The following STK11IP variants were observed in gnomAD, a reference collection of about 807,000 sequenced individuals.
STK11IP encodes the protein serine/threonine kinase 11 interacting protein.
In STK11IP, 103 loss-of-function variants were observed where a neutral mutation model predicts 131.7. The ratio of observed to expected loss-of-function variants is 0.78; its 90% CI spans 0.67 to 0.92. STK11IP has a LOEUF of 0.92. Among genes scored for constraint, STK11IP ranks in the 40% least tolerant of loss-of-function variants. STK11IP has a pLI of 0.00. For missense variants in STK11IP, 1,315 were observed against 1,385.7 expected, an observed-to-expected ratio of 0.95 and a Z score of 0.81; for synonymous variants, 557 against 575.6, an observed-to-expected ratio of 0.97 and a Z score of 0.46.
At position 219,613,803 on chromosome 2, in the gene STK11IP, T is replaced by C; in HGVS notation, c.2589T>C (p.Asp863=). ...TGACCCTGGCTGTTCCCCTGCAGGATCTGAGTGGCATAGAGCTGGGCCTGG... is the reference window on the plus strand; with the variant it reads ...TGACCCTGGCTGTTCCCCTGCAGGACCTGAGTGGCATAGAGCTGGGCCTGG... The part of the protein sequence containing the change: ...LQLTLAVPLQ[D]LSGIELGLAG... The change falls in exon 21 of 25, where the codon GAT becomes GAC. Residue 863 remains aspartate (D), a synonymous_variant. Coordinates refer to ENST00000456909, the MANE Select transcript of STK11IP (RefSeq NM_052902.4). 4 of 1,612,272 alleles carry C rather than the reference T, an allele frequency of 2.5e-6. No homozygotes were observed. The highest frequency in any genetic ancestry group is 3.4e-6 in the Non-Finnish European group (4 of 1,179,640).
intron 8 of STK11IP, 52 bp downstream of exon 8, chr2:219,605,786 G>T (rs773005820): frequency 1.7e-5 from 26 of 1,571,940 alleles, no homozygotes; most frequent in Non-Finnish European, 2.2e-5. Context: ...GGGAGAGTGA[G>T]GCTGGGGCTG....
In STK11IP at chr2:219,605,702, T is replaced by TA; in HGVS notation, c.714dup (p.Leu239ThrfsTer5). ...TCAGGGGCTGCTCTGGGGGTCCTGA[T>TA]ACTGCGAGGCAATGAGCTTCGGAGC... is the stretch of plus-strand genomic sequence containing the variant. On this transcript the variant is annotated frameshift_variant, in exon 8 of 25. Transcript: ENST00000456909. LOFTEE classifies it high-confidence loss of function. 6.3e-7 allele frequency: 1 copy of TA among 1,587,242 alleles called. No individual in the cohort carries two copies. The highest frequency in any genetic ancestry group is 8.6e-7 in the Non-Finnish European group (1 of 1,166,938).
At position 219,605,927 on chromosome 2, in the gene STK11IP, C is replaced by G. The variant is rs752001798; in HGVS notation, c.746-29C>G. Reference sequence around the variant, plus strand: ...TCACTTGCGTGTACTCATCCACATGCTCTTCCTTCCTTCTTGCGTCCACCC... The same window carrying G: ...TCACTTGCGTGTACTCATCCACATGGTCTTCCTTCCTTCTTGCGTCCACCC... On this transcript the variant is annotated intron_variant, in intron 8 of 24. Coordinates refer to ENST00000456909, the MANE Select transcript of STK11IP (RefSeq NM_052902.4). The G allele has an allele frequency of 3.2e-6, 5 of 1,563,578 alleles. No homozygotes were observed. The South Asian group carries it at 5.8e-5, about 18-fold the overall frequency.
chr2:219,606,446 T>C, intron 10 of STK11IP, 30 bp from the exon 11 acceptor site: 1 of 1,605,924 alleles, frequency 6.2e-7, no homozygotes. Context: ...GCCTACCACA[T>C]ACTCCCTCCC....
At chr2:219,600,422 A>G (rs1267239415) in intron 2 of STK11IP, among the ~76,000 whole-genome samples, 1 of 152,152 alleles carries the variant, frequency 6.6e-6, no homozygotes, top group East Asian at 1.9e-4. Flanking sequence ...TTGATATTGT[A>G]CTATAGCTAT....
intron 17 of STK11IP, 129 bp from the exon 18 acceptor site, chr2:219,611,475 T>G: frequency 4.0e-6 from 3 of 757,186 alleles, no homozygotes; most frequent in Non-Finnish European, 6.8e-6. Context: ...TGGGGCGCGG[T>G]GGTTGTGTAT....
rs1427377138 is a variant in STK11IP at position 219,611,741 on chromosome 2, C to T, written c.2242C>T (p.Pro748Ser). 2 of 1,613,080 alleles carry T rather than the reference C, an allele frequency of 1.2e-6. No individual in the cohort carries two copies. The highest frequency in any genetic ancestry group is 8.5e-7 in the Non-Finnish European group (1 of 1,179,882). Residue 748 changes from proline (P) to serine (S), a missense_variant, in exon 18 of 25, where the codon CCT becomes TCT. Coordinates refer to ENST00000456909, the MANE Select transcript of STK11IP (RefSeq NM_052902.4). ...TCCGTCTGCCAGCCCTGTCTGCCAC[C>T]CTCCTGGCCATGGTGACCACCTTGA... ...PSPSASPVCH[P>S]PGHGDHLDRA...
intron 1 of STK11IP, 85 bp from the exon 2 acceptor site, chr2:219,598,009 A>G: frequency 6.3e-7 from 1 of 1,583,492 alleles, no homozygotes; most frequent in Admixed American, 1.8e-5. Flanking sequence ...TTTTCTCCGC[A>G]TGACGCCTCG....
intron 5 of STK11IP, among the ~76,000 whole-genome samples, 174 bp downstream of exon 5, chr2:219,602,257 C>T (rs997845035): frequency 6.6e-6 from 1 of 152,194 alleles, no homozygotes; most frequent in African/African-American, 2.4e-5. Flanking sequence ...TATTTATAGT[C>T]GTACCTACCA....
chr2:219,604,370 G>A (rs1171222834), intron 7 of STK11IP, among the ~76,000 whole-genome samples: 1 of 152,198 alleles, frequency 6.6e-6, no homozygotes, highest in Non-Finnish European at 1.5e-5. Flanking sequence ...AGCCTGAGTA[G>A]GGTTTGATCA....
intron 6 of STK11IP, 47 bp downstream of exon 6, chr2:219,602,622 G>A (rs1211737819): frequency 2.3e-5 from 37 of 1,611,768 alleles, no homozygotes; most frequent in Non-Finnish European, 3.1e-5. Context: ...GCAAGGCCAG[G>A]CCTTTGGGGA....
Position 219,608,727 on chromosome 2 carries a change from A to C in STK11IP, c.1748A>C (p.Gln583Pro). 6.2e-7 allele frequency: 1 copy of C among 1,612,926 alleles called. No individual in the cohort carries two copies. Among genetic ancestry groups the C allele is most frequent in the Non-Finnish European group, 8.5e-7 (1 of 1,179,638 alleles). ...CGCACCTTGGAGCGACTGGAGCTCC[A>C]GAGTCTGGAGGCAGCTGAGATAGAG... ...AARTLERLEL[Q>P]SLEAAEIEPE... The change falls in exon 15 of 25, where the codon CAG (glutamine) becomes CCG (proline). Residue 583 changes from glutamine (Q) to proline (P), a missense_variant. Coordinates refer to ENST00000456909, the MANE Select transcript of STK11IP (RefSeq NM_052902.4).
rs751674409 is a variant in STK11IP at position 219,608,447 on chromosome 2, C to T, written c.1603+17C>T. 3 of 1,537,946 alleles carry T rather than the reference C, an allele frequency of 2.0e-6. No homozygotes were observed. The East Asian group carries it at 7.0e-5, about 36-fold the overall frequency. ...AAGTGGAAGGTGAGCCCTTTGTGGG[C>T]TGGGGCGAGCTGAGGCCAGGGGCCC... On this transcript the variant is annotated intron_variant, in intron 14 of 24. Coordinates refer to ENST00000456909, the MANE Select transcript of STK11IP (RefSeq NM_052902.4).
chr2:219,615,965 G>A (rs1698557043), intron 24 of STK11IP, 79 bp from the exon 25 acceptor site: 7 of 1,556,622 alleles, frequency 4.5e-6, no homozygotes, highest in Non-Finnish European at 6.1e-6. Context: ...AGACAGTGAG[G>A]CCTTCGCAGA....
rs1212723046 is a variant in STK11IP at position 219,601,673 on chromosome 2, G to T, written c.300G>T (p.Gly100=). The change falls in exon 4 of 25, where the codon GGG becomes GGT. Residue 100 remains glycine (G), a synonymous_variant. Coordinates refer to ENST00000456909, the MANE Select transcript of STK11IP (RefSeq NM_052902.4). Reference sequence around the variant, plus strand: ...ATGTTGCTGGTCCTGGCCCCACAGGGCCCATCAAGATTTTCCCCTTCAAAT... The same window carrying T: ...ATGTTGCTGGTCCTGGCCCCACAGGTCCCATCAAGATTTTCCCCTTCAAAT... ...LVHVAGPGPT[G]PIKIFPFKSL... 1.2e-6 allele frequency: 2 copies of T among 1,604,176 alleles called. No homozygotes were observed. Among genetic ancestry groups the T allele is most frequent in the South Asian group, 2.2e-5 (2 of 89,262 alleles).
Position 219,608,779 on chromosome 2 carries a change from C to G in STK11IP, c.1800C>G (p.Pro600=). 2 of 1,603,668 alleles carry G rather than the reference C, an allele frequency of 1.2e-6. No homozygotes were observed. Among genetic ancestry groups the G allele is most frequent in the Non-Finnish European group, 1.7e-6 (2 of 1,175,958 alleles). ...CGGAGGCCCAGGCCCAGAGGTCGCC[C>G]AGGCCCACGGTGAGTGGGGCGTGGC... The part of the protein sequence containing the change: ...IEPEAQAQRS[P]RPTGSDLLPG... The change falls in exon 15 of 25, where the codon CCC becomes CCG. Residue 600 remains proline, a synonymous_variant. Coordinates refer to ENST00000456909, the MANE Select transcript of STK11IP (RefSeq NM_052902.4).
In STK11IP at chr2:219,608,109, C is replaced by T. The variant is rs78461888; in HGVS notation, c.1282C>T (p.Arg428Cys). The stretch of plus-strand genomic sequence containing the variant: ...GAGCAGCTTCCGGGAACGGTTCGGC[C>T]GCAACTGGCTGCAGTACAGGAGTCA... ...LMSSFRERFG[R>C]NWLQYRSHLE... The change falls in exon 14 of 25, where the codon CGC (arginine) becomes TGC (cysteine). Residue 428 changes from arginine (R) to cysteine (C), a missense_variant. Arg to Cys is a radical substitution (Grantham distance 180). Coordinates refer to ENST00000456909, the MANE Select transcript of STK11IP (RefSeq NM_052902.4). The T allele has an allele frequency of 3.7e-4, 593 of 1,613,238 alleles. 5 individuals carry two copies. In the East Asian group the frequency reaches 1.0e-2, roughly 27 times the overall value.
chr2:219,611,846 C>T lies in STK11IP; in HGVS notation c.2335+12C>T, dbSNP rs1377688579. ...GAGCCTCAGTCCCCGTGAGTATAGG[C>T]AAAACAAGACATAGATGAGTTTGGG... On this transcript the variant is annotated intron_variant, in intron 18 of 24. Coordinates refer to ENST00000456909, the MANE Select transcript of STK11IP (RefSeq NM_052902.4). 6 of 1,604,228 alleles carry T rather than the reference C, an allele frequency of 3.7e-6. No homozygotes were observed. The highest frequency in any genetic ancestry group is 5.1e-6 in the Non-Finnish European group (6 of 1,175,554).
chr2:219,606,245 C>T lies in STK11IP; in HGVS notation c.900C>T (p.Ala300=). The change falls in exon 10 of 25, where the codon GCC becomes GCT. Residue 300 remains alanine (A), a synonymous_variant. Transcript: ENST00000456909. ...GGTTCCACCCTGAGCACCGAGCAGC[C>T]ACTGCCCAGTACTTGTCACCCCGGG... is the stretch of plus-strand genomic sequence containing the variant. ...PLWFHPEHRA[A]TAQYLSPRAR... 2 of 1,573,414 alleles carry T rather than the reference C, an allele frequency of 1.3e-6. No individual in the cohort carries two copies. Among genetic ancestry groups the T allele is most frequent in the South Asian group, 1.2e-5 (1 of 85,734 alleles).
Sources: gnomAD v4.1 joint callset for allele counts (sites outside exome capture counted in the v4.1 genomes callset) on GRCh38, gnomAD v4.1.1 for gene constraint, MANE v1.5 for transcripts, NCBI Gene and HGNC (gene_info 2026-07-23, HGNC 2026-07-21) for gene names.